Variants in DENND1A observed in about 807,000 individuals in gnomAD.
DENND1A encodes the protein DENN domain containing 1A.
In DENND1A, 51 loss-of-function variants were observed where a neutral mutation model predicts 113.7. That is an observed-to-expected ratio of 0.45 (90% CI 0.36 to 0.57). The LOEUF (loss-of-function observed/expected upper bound fraction) is 0.57. Among genes scored for constraint, DENND1A ranks in the 20% least tolerant of loss-of-function variants. The pLI, the probability that DENND1A is intolerant of heterozygous loss-of-function variation, is 0.00. For missense variants in DENND1A, 1,258 were observed against 1,395.9 expected (o/e 0.90, Z 1.57); for synonymous variants, 565 against 570.8 (o/e 0.99, Z 0.14).
chr9:123,743,940 T>G (rs1386600571), intron 5 of DENND1A, among the ~76,000 whole-genome samples: 1 of 152,138 alleles, frequency 6.6e-6, no homozygotes, highest in Admixed American at 6.5e-5. Flanking sequence ...TAAGTCCGTT[T>G]CACAAACTTA....
chr9:123,776,164 G>A (rs577789452), intron 3 of DENND1A, among the ~76,000 whole-genome samples: 3 of 152,254 alleles, frequency 2.0e-5, no homozygotes, highest in East Asian at 1.9e-4. Flanking sequence ...GTGTCTGGGC[G>A]CTGTGTATGT....
At position 123,504,213 on chromosome 9, in the gene DENND1A, T is replaced by C. The variant is rs538093274; in HGVS notation, c.994-46316A>G. ...GTTGCCCTTCGCCATCTGGTGAAAC[T>C]GCACTCGCCCTTCGAGGTCCCGCCA... is the stretch of plus-strand genomic sequence containing the variant. On this transcript the variant is annotated intron_variant, in intron 13 of 23. Transcript: ENST00000394215. Among the ~76,000 whole-genome samples, 18 of 152,306 alleles carry C rather than the reference T, an allele frequency of 1.2e-4. No individual in the cohort carries two copies. The South Asian group carries it at 3.5e-3, about 30-fold the overall frequency.
chr9:123,569,978 G>C (rs1226753235), intron 12 of DENND1A, among the ~76,000 whole-genome samples: 1 of 152,046 alleles, frequency 6.6e-6, no homozygotes, highest in Non-Finnish European at 1.5e-5. Flanking sequence ...TCCCAATCTG[G>C]TCCCTCCTGT....
chr9:123,428,637 C>T (rs2045916545), intron 19 of DENND1A, among the ~76,000 whole-genome samples: 1 of 152,164 alleles, frequency 6.6e-6, no homozygotes, highest in African/African-American at 2.4e-5. Flanking sequence ...TGACATGATC[C>T]TATATATAGA....
At chr9:123,588,635 G>T (rs890707330) in intron 11 of DENND1A, among the ~76,000 whole-genome samples, 2 of 131,420 alleles carry the variant, frequency 1.5e-5, no homozygotes, top group South Asian at 2.9e-4. Flanking sequence ...AAAAAAAAAG[G>T]GGGGGGGGGA....
intron 2 of DENND1A, among the ~76,000 whole-genome samples, chr9:123,862,777 A>C (rs1436585800): frequency 6.6e-6 from 1 of 152,246 alleles, no homozygotes; most frequent in Non-Finnish European, 1.5e-5. Flanking sequence ...TCCACAAATA[A>C]GAGAGTAGTA....
At chr9:123,507,350 A>T (rs2053044792) in intron 13 of DENND1A, among the ~76,000 whole-genome samples, 1 of 152,212 alleles carries the variant, frequency 6.6e-6, no homozygotes, top group African/African-American at 2.4e-5. Context: ...ATACAAAAGG[A>T]TGACCTAAGT....
intron 21 of DENND1A, chr9:123,401,835 C>G (rs1365453918): frequency 1.2e-6 from 2 of 1,614,198 alleles, no homozygotes; most frequent in African/African-American, 2.7e-5. Flanking sequence ...GGTCCAGCCT[C>G]TCGTCGGGAA....
intron 16 of DENND1A, among the ~76,000 whole-genome samples, chr9:123,453,887 GA>G (rs1243891869): frequency 6.6e-6 from 1 of 152,116 alleles, no homozygotes; most frequent in African/African-American, 2.4e-5. Context: ...TTGGAGTATT[GA>G]AACTCCCTTT....
At chr9:123,531,532 C>G (rs1042000459) in intron 13 of DENND1A, among the ~76,000 whole-genome samples, 7 of 143,746 alleles carry the variant, frequency 4.9e-5, no homozygotes, top group African/African-American at 1.3e-4. Context: ...TGGCTTTATC[C>G]TTCTCTTCCC....
intron 13 of DENND1A, among the ~76,000 whole-genome samples, chr9:123,487,521 A>C (rs920886756): frequency 6.6e-6 from 1 of 152,222 alleles, no homozygotes; most frequent in Non-Finnish European, 1.5e-5. Flanking sequence ...CTCTCAGACC[A>C]ATGCGCATGG....
chr9:123,587,312 G>A (rs985363072), intron 11 of DENND1A, among the ~76,000 whole-genome samples: 6 of 152,122 alleles, frequency 3.9e-5, no homozygotes, highest in Admixed American at 6.5e-5. Context: ...TAGTGTGTGC[G>A]TCAGTAATTT....
At chr9:123,869,729 G>A (rs763703058) in intron 2 of DENND1A, among the ~76,000 whole-genome samples, 15 of 152,122 alleles carry the variant, frequency 9.9e-5, no homozygotes, top group Non-Finnish European at 1.8e-4. Flanking sequence ...GGCCAGGTGC[G>A]GTGGCTCATG....
intron 9 of DENND1A, among the ~76,000 whole-genome samples, chr9:123,643,520 C>T (rs2062138640): frequency 6.6e-6 from 1 of 152,204 alleles, no homozygotes; most frequent in Non-Finnish European, 1.5e-5. Flanking sequence ...AGATACACTG[C>T]TCGAAGGAAC....
intron 9 of DENND1A, among the ~76,000 whole-genome samples, chr9:123,639,039 TAAAAAAAAAAAAA>T (rs750972974): frequency 1.2e-4 from 4 of 32,122 alleles, no homozygotes; most frequent in African/African-American, 1.2e-4. Context: ...GCATGAGTAG[TAAAAAAAAAAAAA>T]AAAAAAAAAA....
At chr9:123,387,923 G>A (rs1051369737) in intron 21 of DENND1A, 65 bp from the exon 22 acceptor site, 44 of 1,268,056 alleles carry the variant, frequency 3.5e-5, no homozygotes, top group Non-Finnish European at 4.3e-5. Context: ...AACTTCACGT[G>A]CAGGCGGGAA....
chr9:123,857,623 A>G (rs1020634435), intron 2 of DENND1A, among the ~76,000 whole-genome samples: 1 of 152,228 alleles, frequency 6.6e-6, no homozygotes, highest in Non-Finnish European at 1.5e-5. Flanking sequence ...CATCACTTCT[A>G]TAATATTTCC....
intron 13 of DENND1A, among the ~76,000 whole-genome samples, chr9:123,532,069 A>G (rs913942820): frequency 3.3e-5 from 5 of 152,192 alleles, no homozygotes; most frequent in Non-Finnish European, 7.4e-5. Context: ...AATTTTCTTC[A>G]TTCACTTAGA....
chr9:123,451,372 C>T (rs373561748), intron 17 of DENND1A, among the ~76,000 whole-genome samples: 3 of 152,156 alleles, frequency 2.0e-5, no homozygotes, highest in Admixed American at 6.5e-5. Flanking sequence ...CAGTGGCTCA[C>T]GGTCAAATTA....
Sources: allele counts gnomAD v4.1 joint callset (sites outside exome capture counted in the v4.1 genomes callset), GRCh38; gene constraint gnomAD v4.1.1; transcripts MANE v1.5; gene names NCBI Gene and HGNC (gene_info 2026-07-23, HGNC 2026-07-21).